Variants in RABGAP1L observed in about 807,000 individuals in gnomAD.
The protein encoded by RABGAP1L is rab GTPase-activating protein 1-like.
Under a neutral mutation model 137.7 loss-of-function variants are expected in RABGAP1L, and 63 were observed. The ratio of observed to expected loss-of-function variants is 0.46; its 90% confidence interval spans 0.37 to 0.56. The LOEUF is 0.56. RABGAP1L is among the 20% of genes least tolerant of loss of function. The probability of loss-of-function intolerance (pLI) is 0.00; values close to 1 mark genes in which losing one functional copy is unlikely to be tolerated. For missense variants in RABGAP1L, 1,095 were observed against 1,244.0 expected, an observed-to-expected ratio of 0.88 and a Z score of 1.80; for synonymous variants, 431 against 433.7, an observed-to-expected ratio of 0.99 and a Z score of 0.08.
At chr1:174,220,172 G>A (rs1478709626) in intron 2 of RABGAP1L, among the ~76,000 whole-genome samples, 3 of 152,096 alleles carry the variant, frequency 2.0e-5, no homozygotes, top group Non-Finnish European at 2.9e-5. Context: ...CAACTTAAGT[G>A]TAAGGAAATT....
chr1:174,162,775 C>CTTTTTTTTTTTTTTTTTTTTTT (rs1571316527), intron 1 of RABGAP1L, among the ~76,000 whole-genome samples: 1 of 23,442 alleles, frequency 4.3e-5, no homozygotes, highest in Admixed American at 4.5e-4. Flanking sequence ...TTTTCTCTTT[C>CTTTTTTTTTTTTTTTTTTTTTT]TGTTTTTTTT....
At chr1:174,709,799 G>A (rs145038633) in intron 17 of RABGAP1L, among the ~76,000 whole-genome samples, 1 of 152,326 alleles carries the variant, frequency 6.6e-6, no homozygotes, top group East Asian at 1.9e-4. Context: ...TTGCCAGCAA[G>A]AGAATAGAAC....
chr1:174,223,086 A>G (rs1020320832), intron 3 of RABGAP1L, among the ~76,000 whole-genome samples: 2 of 151,618 alleles, frequency 1.3e-5, no homozygotes, highest in Non-Finnish European at 2.9e-5. Flanking sequence ...TGGCTAATAT[A>G]GTGAAACCCC....
intron 19 of RABGAP1L, among the ~76,000 whole-genome samples, chr1:174,837,384 G>C (rs1692879754): frequency 6.6e-6 from 1 of 152,146 alleles, no homozygotes; most frequent in Non-Finnish European, 1.5e-5. Context: ...ATCTTAAGTT[G>C]TTATCACCTT....
intron 13 of RABGAP1L, among the ~76,000 whole-genome samples, chr1:174,425,128 T>C (rs1373295153): frequency 3.3e-5 from 5 of 152,064 alleles, no homozygotes; most frequent in East Asian, 1.9e-4. Context: ...TGGAATTTGT[T>C]GTAGCATTTG....
intron 18 of RABGAP1L, among the ~76,000 whole-genome samples, chr1:174,778,185 T>C (rs1793292): frequency 0.63 from 95,384 of 152,006 alleles, 33,295 homozygotes; most frequent in East Asian, 0.93. Context: ...AGATAATATG[T>C]GTAAAGAAAC....
chr1:174,378,243 C>T lies in RABGAP1L; in HGVS notation c.1559+7171C>T, dbSNP rs1685750861. ...CTATTGTGAATAATGCCGCAATAAA[C>T]ATACGTGTGTATGTGTCTTTATAGC... On this transcript the variant is annotated intron_variant, in intron 12 of 25. Transcript: ENST00000681986. Among the ~76,000 whole-genome samples, 15 of 151,572 alleles carry T rather than the reference C, an allele frequency of 9.9e-5. No homozygotes were observed. The South Asian group carries it at 2.9e-3, about 30-fold the overall frequency.
chr1:174,451,624 C>T lies in RABGAP1L; in HGVS notation c.1710+57479C>T, dbSNP rs180713818. Among the ~76,000 whole-genome samples, 10 of 152,324 alleles carry T rather than the reference C, an allele frequency of 6.6e-5. No individual in the cohort carries two copies. In the East Asian group the frequency reaches 1.2e-3, roughly 18 times the overall value. On this transcript the variant is annotated intron_variant, in intron 13 of 25. Coordinates refer to ENST00000681986, the MANE Select transcript of RABGAP1L (RefSeq NM_001366446.1). ...GCCTGCCTGCTTCACCGGTAGGCTGCGCTGCTTTCATTTCAAAAGCCTTTA... is the reference window on the plus strand; with the variant it reads ...GCCTGCCTGCTTCACCGGTAGGCTGTGCTGCTTTCATTTCAAAAGCCTTTA...
At chr1:174,886,812 C>CTTTT (rs11385190) in intron 19 of RABGAP1L, among the ~76,000 whole-genome samples, 2 of 149,148 alleles carry the variant, frequency 1.3e-5, no homozygotes. Context: ...CCATTTAATT[C>CTTTT]TTTTTTTTTT....
chr1:174,368,524 A>T (rs532803953), intron 11 of RABGAP1L, among the ~76,000 whole-genome samples: 1 of 152,188 alleles, frequency 6.6e-6, no homozygotes, highest in South Asian at 2.1e-4. Flanking sequence ...CATTGTTTTA[A>T]TTTGCATTTA....
At chr1:174,622,419 G>C (rs142376194) in intron 13 of RABGAP1L, among the ~76,000 whole-genome samples, 3,444 of 152,210 alleles carry the variant, frequency 0.023, 62 homozygotes, top group Middle Eastern at 0.086. Flanking sequence ...GTTTATTGCG[G>C]CACTATTCAC....
At chr1:174,176,741 A>AAT (rs1553248316) in intron 1 of RABGAP1L, among the ~76,000 whole-genome samples, 14 of 111,774 alleles carry the variant, frequency 1.3e-4, no homozygotes, top group Non-Finnish European at 1.6e-4. Flanking sequence ...AAAAAAAAAA[A>AAT]AAAAAGGTCA....
At chr1:174,711,235 G>A (rs1035322611) in intron 17 of RABGAP1L, among the ~76,000 whole-genome samples, 1 of 152,012 alleles carries the variant, frequency 6.6e-6, no homozygotes, top group Non-Finnish European at 1.5e-5. Flanking sequence ...ACACCTCCCT[G>A]CAAGCTGAGG....
chr1:174,909,187 A>G (rs1049699252), intron 19 of RABGAP1L, among the ~76,000 whole-genome samples: 1 of 151,576 alleles, frequency 6.6e-6, no homozygotes, highest in Non-Finnish European at 1.5e-5. Context: ...TCAAAAAAAA[A>G]AAAAAAAAGT....
intron 13 of RABGAP1L, among the ~76,000 whole-genome samples, chr1:174,550,857 A>AATAAATATATATAT (rs1448850170): frequency 1.6e-5 from 1 of 61,828 alleles, no homozygotes; most frequent in Non-Finnish European, 2.7e-5. Context: ...GTCTCTGCTA[A>AATAAATATATATAT]ATATATATAT....
chr1:174,604,019 A>G (rs2148182889), intron 13 of RABGAP1L, among the ~76,000 whole-genome samples: 2 of 152,014 alleles, frequency 1.3e-5, no homozygotes, highest in South Asian at 4.2e-4. Flanking sequence ...GTGTTGGCGA[A>G]GAGCTGACAC....
chr1:174,194,112 C>T (rs1667402512), intron 1 of RABGAP1L, among the ~76,000 whole-genome samples: 1 of 152,148 alleles, frequency 6.6e-6, no homozygotes, highest in African/African-American at 2.4e-5. Flanking sequence ...ACCTGCTTGG[C>T]TTTGGTACCT....
At chr1:174,768,414 C>T (rs1008747503) in intron 18 of RABGAP1L, among the ~76,000 whole-genome samples, 9 of 152,260 alleles carry the variant, frequency 5.9e-5, no homozygotes, top group African/African-American at 7.2e-5. Flanking sequence ...CAGGATTTTG[C>T]GAGTAGGCTC....
intron 11 of RABGAP1L, among the ~76,000 whole-genome samples, chr1:174,351,504 C>T (rs1255575141): frequency 6.6e-6 from 1 of 152,110 alleles, no homozygotes; most frequent in East Asian, 1.9e-4. Context: ...TCTCTCCTGT[C>T]CTGTAAGGTT....
Sources: gnomAD v4.1 joint callset for allele counts (sites outside exome capture counted in the v4.1 genomes callset) on GRCh38, gnomAD v4.1.1 for gene constraint, MANE v1.5 for transcripts, NCBI Gene and HGNC (gene_info 2026-07-23, HGNC 2026-07-21) for gene names.